The following ZCCHC8 variants were observed in gnomAD, a reference collection of about 807,000 sequenced individuals.
ZCCHC8 encodes zinc finger CCHC domain-containing protein 8.
Under a neutral mutation model 70.6 loss-of-function variants are expected in ZCCHC8, and 27 were observed. The observed-to-expected ratio is 0.38, with a 90% CI of 0.28 to 0.53. The LOEUF is 0.53. Ranked by LOEUF, ZCCHC8 falls within the 20% of genes least tolerant of loss-of-function variation. ZCCHC8 has a pLI of 0.81. For synonymous variants in ZCCHC8, 293 were observed against 317.4 expected (o/e 0.92, Z 0.82); for missense variants, 737 against 876.9 (o/e 0.84, Z 2.01).
rs1483754954 is a variant in ZCCHC8, at chr12:122,481,641, C to G, written c.899G>C (p.Gly300Ala). The change falls in exon 10 of 14, where the codon GGT becomes GCT. Residue 300 changes from glycine to alanine, a missense_variant. Gly to Ala is a moderately conservative substitution (Grantham distance 60). Coordinates refer to ENST00000633063, the MANE Select transcript of ZCCHC8 (RefSeq NM_017612.5). Reference protein sequence around the residue: ...VISEELQDALGVTDKSLPPFI... With the variant: ...VISEELQDALAVTDKSLPPFI... ...AGGTGGAAGACTCTTGTCTGTCACA[C>G]CTAGTGCATCTTGAAGTTCCTCACT... The G allele has an allele frequency of 1.2e-6, 2 of 1,612,070 alleles. No individual in the cohort carries two copies. The highest frequency in any genetic ancestry group is 8.5e-7 in the Non-Finnish European group (1 of 1,179,396).
rs1343262466 is a variant in ZCCHC8, at chr12:122,473,629, G to T, written c.1992C>A (p.Ser664Arg). The stretch of plus-strand genomic sequence containing the variant: ...ATGGCGTGATTCCAGTTGCAAATTT[G>T]CTCATGTCAGGTATAGGGCTATGAA... Reference protein sequence around the residue: ...TKIHSPIPDMSKFATGITPFE... With the variant: ...TKIHSPIPDMRKFATGITPFE... Residue 664 changes from serine (S) to arginine (R), a missense_variant, in exon 14 of 14, where the codon AGC becomes AGA. Coordinates refer to ENST00000633063, the MANE Select transcript of ZCCHC8 (RefSeq NM_017612.5). The T allele has an allele frequency of 6.2e-7, 1 of 1,613,932 alleles. No homozygotes were observed. The highest frequency in any genetic ancestry group is 8.5e-7 in the Non-Finnish European group (1 of 1,179,874).
At chr12:122,482,361 TTTAAA>T in intron 8 of ZCCHC8, 1 of 427,012 alleles carries the variant, frequency 2.3e-6, no homozygotes, top group Non-Finnish European at 4.1e-6. Flanking sequence ...AGAGTACTGT[TTTAAA>T]TTATTTACTG....
At position 122,482,035 on chromosome 12, in the gene ZCCHC8, C is replaced by G. The variant is rs757134167; in HGVS notation, c.785G>C (p.Cys262Ser). 2 of 1,613,136 alleles carry G rather than the reference C, an allele frequency of 1.2e-6. No individual in the cohort carries two copies. Among genetic ancestry groups the G allele is most frequent in the East Asian group, 2.2e-5 (1 of 44,856 alleles). Residue 262 changes from cysteine to serine, a missense_variant, in exon 9 of 14, where the codon TGT becomes TCT. Cys to Ser is a moderately radical substitution (Grantham distance 112). Transcript: ENST00000633063. ...SEKRKEYMDACGEANNQNFQQ... is the reference protein window; with the variant it reads ...SEKRKEYMDASGEANNQNFQQ... Reference sequence around the variant, plus strand: ...GAAATTCTGATTGTTTGCTTCTCCACAGGCATCCATATACTCTTTTCTCTT... The same window carrying G: ...GAAATTCTGATTGTTTGCTTCTCCAGAGGCATCCATATACTCTTTTCTCTT...
chr12:122,496,092 G>A (rs1176131201), intron 2 of ZCCHC8, among the ~76,000 whole-genome samples: 1 of 151,908 alleles, frequency 6.6e-6, no homozygotes, highest in Non-Finnish European at 1.5e-5. Context: ...ACTTGAGCCT[G>A]GGAGGTTGAG....
At position 122,473,815 on chromosome 12, in the gene ZCCHC8, C is replaced by G. The variant is rs1957361277; in HGVS notation, c.1806G>C (p.Glu602Asp). Reference sequence around the variant, plus strand: ...TTTCCTTCTGACAAAGTGATGTCACCTCAGAGTCTGGACTGGAGGCATGTC... The same window carrying G: ...TTTCCTTCTGACAAAGTGATGTCACGTCAGAGTCTGGACTGGAGGCATGTC... The part of the protein sequence containing the change: ...EAGHASSPDS[E>D]VTSLCQKEKA... Residue 602 changes from glutamate to aspartate, a missense_variant, in exon 14 of 14, where the codon GAG (glutamate) becomes GAC (aspartate). Coordinates refer to ENST00000633063, the MANE Select transcript of ZCCHC8 (RefSeq NM_017612.5). The G allele has an allele frequency of 8.7e-6, 14 of 1,613,636 alleles. No individual in the cohort carries two copies. The highest frequency in any genetic ancestry group is 1.2e-5 in the Non-Finnish European group (14 of 1,179,770).
rs1335584193 is a variant in ZCCHC8, at chr12:122,494,674, TGAA to T, written c.243-1888_243-1886del. Among the ~76,000 whole-genome samples the T allele has an allele frequency of 5.9e-5, 9 of 151,754 alleles. No individual in the cohort carries two copies. In the East Asian group the frequency reaches 1.7e-3, roughly 29 times the overall value. On this transcript the variant is annotated intron_variant, in intron 2 of 13. Coordinates refer to ENST00000633063, the MANE Select transcript of ZCCHC8 (RefSeq NM_017612.5). ...ATGGAGACCATCCTGGCTAACACGG[TGAA>T]ACCCCGACTCTACCAAAAATACAAA...
At chr12:122,484,335 C>T (rs1001874718) in intron 5 of ZCCHC8, among the ~76,000 whole-genome samples, 1 of 151,870 alleles carries the variant, frequency 6.6e-6, no homozygotes, top group Admixed American at 6.6e-5. Context: ...TGAGCTTAAG[C>T]GATCCACCCG....
At chr12:122,486,576 C>CT (rs1202150031) in intron 5 of ZCCHC8, among the ~76,000 whole-genome samples, 17 of 150,638 alleles carry the variant, frequency 1.1e-4, no homozygotes, top group Admixed American at 2.7e-4. Context: ...AAGGGCCTGG[C>CT]TTTTTTTTTG....
Position 122,483,900 on chromosome 12 carries a change from T to C in ZCCHC8, c.502-337A>G, listed in dbSNP as rs1044454643. 4 of 210,014 alleles carry C rather than the reference T, an allele frequency of 1.9e-5. No individual in the cohort carries two copies. Among genetic ancestry groups the C allele is most frequent in the Non-Finnish European group, 2.8e-5 (3 of 105,630 alleles). The allele number at this position is 210,014 out of a possible 1,614,324, so 13.0% of individuals were successfully genotyped here. On this transcript the variant is annotated intron_variant, in intron 5 of 13. Transcript: ENST00000633063. The surrounding 1 kb of genome is among the most constrained non-coding windows in gnomAD (Gnocchi z 4.4). ...TTTGCAAGACATGCAGACCCTTTAG[T>C]TATTGTTTCCATTTCCTTTCTTCCC...
intron 2 of ZCCHC8, among the ~76,000 whole-genome samples, chr12:122,496,298 T>C (rs1442168389): frequency 1.3e-5 from 2 of 152,184 alleles, no homozygotes; most frequent in African/African-American, 2.4e-5. Flanking sequence ...TTCCTTGGTT[T>C]TCTGTACAAC....
intron 2 of ZCCHC8, among the ~76,000 whole-genome samples, chr12:122,496,571 T>G (rs1173950270): frequency 4.6e-5 from 7 of 152,198 alleles, no homozygotes; most frequent in African/African-American, 1.7e-4. Context: ...CCTAGTTATA[T>G]TTAATATATT....
intron 11 of ZCCHC8, 43 bp downstream of exon 11, chr12:122,480,147 A>T: frequency 1.3e-6 from 2 of 1,487,822 alleles, no homozygotes; most frequent in East Asian, 2.4e-5. Context: ...TTAACATAAT[A>T]ATATCACATC....
chr12:122,496,629 C>G (rs1324339870), intron 2 of ZCCHC8, among the ~76,000 whole-genome samples: 6 of 152,094 alleles, frequency 3.9e-5, no homozygotes, highest in Middle Eastern at 3.2e-3. Context: ...TCCCATGTAG[C>G]TGAGACCAGA....
At chr12:122,489,576 T>G in intron 4 of ZCCHC8, 113 bp from the exon 5 acceptor site, 3 of 935,296 alleles carry the variant, frequency 3.2e-6, no homozygotes, top group Non-Finnish European at 5.0e-6. Context: ...ACATTTCATG[T>G]GGGAGAATGG....
rs200494647 is a variant in ZCCHC8, at chr12:122,473,969, C to T, written c.1652G>A (p.Gly551Asp). ...SDVPVDTPLT[G>D]NSVASSPCPN... ...ACAAGGTGATGAGGCAACGGAATTGCCAGTTAAAGGTGTGTCCACAGGAAC... is the reference window on the plus strand; with the variant it reads ...ACAAGGTGATGAGGCAACGGAATTGTCAGTTAAAGGTGTGTCCACAGGAAC... The change falls in exon 14 of 14, where the codon GGC (glycine) becomes GAC (aspartate). Residue 551 changes from glycine (G) to aspartate (D), a missense_variant. Gly to Asp is a moderately conservative substitution (Grantham distance 94, BLOSUM62 -1). Coordinates refer to ENST00000633063, the MANE Select transcript of ZCCHC8 (RefSeq NM_017612.5). The T allele has an allele frequency of 6.8e-4, 1,099 of 1,605,092 alleles. 1 individual carries two copies. The highest frequency in any genetic ancestry group is 8.5e-4 in the Non-Finnish European group (1,003 of 1,176,434).
Position 122,500,743 on chromosome 12 carries a change from TC to T in ZCCHC8, c.97del (p.Asp33ThrfsTer42). On this transcript the variant is annotated frameshift_variant, in exon 1 of 14. Coordinates refer to ENST00000633063, the MANE Select transcript of ZCCHC8 (RefSeq NM_017612.5). LOFTEE classifies it high-confidence loss of function. The surrounding 1 kb of genome is among the most constrained non-coding windows in gnomAD (Gnocchi z 4.8). ...TTCGTCCTCCTCGTCGCCGTCGTCG[TC>T]CTTGAAGCGAGTGTGAACGGGCTTC... ...IPKPVHTRFK[D>X]DDGDEEDENG... is the part of the protein sequence containing the mutation. 1 of 1,586,596 alleles carries T rather than the reference TC, an allele frequency of 6.3e-7. No individual in the cohort carries two copies. The highest frequency in any genetic ancestry group is 1.8e-5 in the Admixed American group (1 of 55,872).
intron 13 of ZCCHC8, 83 bp downstream of exon 13, chr12:122,477,758 C>T: frequency 9.4e-7 from 1 of 1,062,648 alleles, no homozygotes; most frequent in Non-Finnish European, 1.4e-6. Context: ...CCATTGTACT[C>T]CAGCCTGGGT....
At chr12:122,492,986 C>T (rs149969997) in intron 2 of ZCCHC8, among the ~76,000 whole-genome samples, 197 bp from the exon 3 acceptor site, 1,594 of 152,138 alleles carry the variant, frequency 0.01, 34 homozygotes, top group Non-Finnish European at 0.01. Flanking sequence ...TCCCACCTCA[C>T]CTTCCCAAGT....
chr12:122,473,244 T>C lies in ZCCHC8; in HGVS notation c.*253A>G. The C allele has an allele frequency of 4.4e-6, 2 of 451,854 alleles. No individual in the cohort carries two copies. Among genetic ancestry groups the C allele is most frequent in the African/African-American group, 1.9e-5 (1 of 51,528 alleles). 28.0% of individuals were successfully genotyped at this position (451,854 alleles called of 1,614,324 possible). ...ACGGATAGTCACAATCCAAAAATAG[T>C]ATAAACCTTAACAAACCCTCTCTAA... On this transcript the variant is annotated 3_prime_UTR_variant, in exon 14 of 14. Transcript: ENST00000633063.
Sources: allele counts gnomAD v4.1 joint callset (sites outside exome capture counted in the v4.1 genomes callset), GRCh38; gene constraint gnomAD v4.1.1; non-coding constraint Gnocchi (gnomAD v3.1); transcripts MANE v1.5; gene names NCBI Gene and HGNC (gene_info 2026-07-23, HGNC 2026-07-21).